The following CARMIL1 variants were observed in gnomAD, a reference collection of about 807,000 sequenced individuals.
CARMIL1 encodes F-actin-uncapping protein LRRC16A.
In CARMIL1, 90 loss-of-function variants were observed where a neutral mutation model predicts 177.1. The observed-to-expected ratio is 0.51, with a 90% CI of 0.43 to 0.61. The LOEUF is 0.61. Among genes scored for constraint, CARMIL1 ranks in the 20% least tolerant of loss-of-function variants. The probability of loss-of-function intolerance (pLI) is 0.00; values close to 1 mark genes in which losing one functional copy is unlikely to be tolerated. For synonymous variants in CARMIL1, 577 were observed against 606.2 expected, an observed-to-expected ratio of 0.95 and a Z score of 0.71; for missense variants, 1,380 against 1,667.0, an observed-to-expected ratio of 0.83 and a Z score of 3.00.
chr6:25,549,010 A>C (rs1353496323), intron 26 of CARMIL1, among the ~76,000 whole-genome samples: 1 of 152,206 alleles, frequency 6.6e-6, no homozygotes, highest in Non-Finnish European at 1.5e-5. Context: ...GGTGGTAAGG[A>C]ACTAACTGCA....
intron 11 of CARMIL1, among the ~76,000 whole-genome samples, chr6:25,473,101 T>C (rs892523596): frequency 6.6e-6 from 1 of 152,158 alleles, no homozygotes; most frequent in Non-Finnish European, 1.5e-5. Flanking sequence ...GTGACCCCCC[T>C]ATCTCACAAC....
Position 25,583,527 on chromosome 6 carries a change from T to G in CARMIL1, c.3006+2088T>G, listed in dbSNP as rs189157868. ...ATAGTAGGGGTTCAACAATACTCAT[T>G]GGATAAGTAGGTGGATAGCTGGAGA... On this transcript the variant is annotated intron_variant, in intron 31 of 36. Coordinates refer to ENST00000329474, the MANE Select transcript of CARMIL1 (RefSeq NM_017640.6). 7.7e-4 allele frequency among the ~76,000 whole-genome samples: 116 copies of G among 151,204 alleles called. 1 individual carries two copies. Among genetic ancestry groups the G allele is most frequent in the Non-Finnish European group, 4.4e-5 (3 of 67,486 alleles).
At chr6:25,500,097 T>C in intron 16 of CARMIL1, 69 bp from the exon 17 acceptor site, 4 of 1,352,428 alleles carry the variant, frequency 3.0e-6, no homozygotes, top group Middle Eastern at 1.8e-4. Context: ...CTTTATTCAG[T>C]GTGCTTGCAT....
intron 2 of CARMIL1, among the ~76,000 whole-genome samples, chr6:25,381,645 C>G (rs1032117766): frequency 1.3e-5 from 2 of 152,204 alleles, no homozygotes; most frequent in Non-Finnish European, 2.9e-5. Context: ...AACCCAGGAA[C>G]AGCCAAATGG....
At chr6:25,336,080 A>C (rs1052916156) in intron 2 of CARMIL1, among the ~76,000 whole-genome samples, 1 of 151,320 alleles carries the variant, frequency 6.6e-6, no homozygotes, top group African/African-American at 2.4e-5. Context: ...CCTTCCACCC[A>C]TCTTCCATAT....
At chr6:25,584,932 C>A (rs932575348) in intron 31 of CARMIL1, among the ~76,000 whole-genome samples, 1 of 152,186 alleles carries the variant, frequency 6.6e-6, no homozygotes, top group African/African-American at 2.4e-5. Context: ...CCTTTGTCCA[C>A]AATGAAGCCA....
At chr6:25,284,414 A>T (rs1253785933) in intron 1 of CARMIL1, among the ~76,000 whole-genome samples, 1 of 152,218 alleles carries the variant, frequency 6.6e-6, no homozygotes, top group Non-Finnish European at 1.5e-5. Context: ...TAAAACAAGT[A>T]AAAAAAGACA....
intron 2 of CARMIL1, among the ~76,000 whole-genome samples, chr6:25,321,143 C>T (rs949963905): frequency 7.2e-6 from 1 of 139,086 alleles, no homozygotes; most frequent in African/African-American, 2.6e-5. Context: ...TTTTCCAAAA[C>T]TACCCCTTGA....
intron 28 of CARMIL1, among the ~76,000 whole-genome samples, chr6:25,555,338 T>C (rs920899068): frequency 3.3e-5 from 5 of 152,304 alleles, no homozygotes; most frequent in Non-Finnish European, 7.4e-5. Flanking sequence ...TTAGAGCTCC[T>C]GATTCAGCCT....
intron 2 of CARMIL1, among the ~76,000 whole-genome samples, chr6:25,330,378 A>G (rs985413801): frequency 2.6e-5 from 4 of 152,212 alleles, no homozygotes; most frequent in African/African-American, 7.2e-5. Context: ...AGGAAGGGCT[A>G]AGATATGGAA....
chr6:25,450,766 TCCTCCCTCCCCTCCCTCCCTTCCTC>T, intron 8 of CARMIL1, 55 bp downstream of exon 8: 1 of 385,584 alleles, frequency 2.6e-6, no homozygotes, highest in Non-Finnish European at 4.6e-6. Flanking sequence ...CTCCCTCCCT[TCCTCCCTCCCCTCCCTCCCTTCCTC>T]CCTCCCTTCC....
intron 2 of CARMIL1, among the ~76,000 whole-genome samples, chr6:25,414,425 C>T (rs184351583): frequency 9.5e-4 from 145 of 152,276 alleles, no homozygotes; most frequent in African/African-American, 3.1e-3. Context: ...TATTCATTAT[C>T]AGGAAACCCT....
At chr6:25,378,820 C>G (rs1017008319) in intron 2 of CARMIL1, among the ~76,000 whole-genome samples, 8 of 151,702 alleles carry the variant, frequency 5.3e-5, no homozygotes, top group African/African-American at 1.7e-4. Context: ...GTGAATCTCT[C>G]CACACTATTT....
At chr6:25,439,784 A>G (rs1383349803) in intron 5 of CARMIL1, among the ~76,000 whole-genome samples, 1 of 152,144 alleles carries the variant, frequency 6.6e-6, no homozygotes, top group African/African-American at 2.4e-5. Context: ...GGAACTGACA[A>G]ATTGGATGTA....
At chr6:25,398,421 G>A (rs1252075759) in intron 2 of CARMIL1, among the ~76,000 whole-genome samples, 1 of 152,166 alleles carries the variant, frequency 6.6e-6, no homozygotes, top group Non-Finnish European at 1.5e-5. Context: ...TCACATACAG[G>A]TTTGTCATGA....
intron 8 of CARMIL1, among the ~76,000 whole-genome samples, chr6:25,458,485 C>CAAAAAA (rs750169275): frequency 1.2e-4 from 8 of 68,208 alleles, no homozygotes; most frequent in East Asian, 5.1e-4. Flanking sequence ...GACTCTGTCT[C>CAAAAAA]AAAAAAAAAA....
At chr6:25,457,357 C>A (rs906802662) in intron 8 of CARMIL1, among the ~76,000 whole-genome samples, 5 of 151,994 alleles carry the variant, frequency 3.3e-5, no homozygotes, top group Non-Finnish European at 5.9e-5. Context: ...GATGAATGAT[C>A]AAAAAATATA....
At chr6:25,437,522 C>T (rs1797339236) in intron 5 of CARMIL1, among the ~76,000 whole-genome samples, 1 of 152,186 alleles carries the variant, frequency 6.6e-6, no homozygotes, top group Non-Finnish European at 1.5e-5. Flanking sequence ...GAAGAAAGTT[C>T]CCATGTATAT....
At chr6:25,607,177 AAC>A (rs1186121907) in intron 35 of CARMIL1, among the ~76,000 whole-genome samples, 3 of 145,128 alleles carry the variant, frequency 2.1e-5, no homozygotes, top group Non-Finnish European at 4.6e-5. Context: ...CAAACAAAAA[AAC>A]ACACAAAAAA....
Sources: gnomAD v4.1 joint callset for allele counts (sites outside exome capture counted in the v4.1 genomes callset) on GRCh38, gnomAD v4.1.1 for gene constraint, MANE v1.5 for transcripts, NCBI Gene and HGNC (gene_info 2026-07-23, HGNC 2026-07-21) for gene names.